The following ETNPPL variants were observed in gnomAD, a reference collection of about 807,000 sequenced individuals.
ETNPPL encodes the protein alanine--glyoxylate aminotransferase 2-like 1.
Under a neutral mutation model 55.5 loss-of-function variants are expected in ETNPPL, and 30 were observed. The observed-to-expected ratio is 0.54, with a 90% confidence interval of 0.40 to 0.73. The LOEUF (loss-of-function observed/expected upper bound fraction) is 0.73. Ranked by LOEUF, ETNPPL falls within the 30% of genes least tolerant of loss-of-function variation. The pLI is 0.00. For missense variants in ETNPPL, 528 were observed against 607.9 expected, an observed-to-expected ratio of 0.87 and a Z score of 1.38; for synonymous variants, 202 against 207.2, an observed-to-expected ratio of 0.98 and a Z score of 0.21.
chr4:108,762,535 T>C (rs1387428680), intron 1 of ETNPPL: 1 of 657,728 alleles, frequency 1.5e-6, no homozygotes, highest in African/African-American at 1.8e-5. Context: ...GAATGGTGTC[T>C]GCTAGGGCTA....
rs149813577 is a variant in ETNPPL, at chr4:108,750,375, C to T, written c.701+561G>A. Among the ~76,000 whole-genome samples, 358 of 151,932 alleles carry T rather than the reference C, an allele frequency of 2.4e-3. 2 individuals are homozygous for T. Among genetic ancestry groups the T allele is most frequent in the African/African-American group, 8.4e-3 (350 of 41,422 alleles). Reference sequence around the variant, plus strand: ...TCTCCCATGCTGGATGCTTCCTGCCCTCAAACATCAGACTCCAGGTTCTTC... The same window carrying T: ...TCTCCCATGCTGGATGCTTCCTGCCTTCAAACATCAGACTCCAGGTTCTTC... On this transcript the variant is annotated intron_variant, in intron 7 of 12. Transcript: ENST00000296486.
rs1256641526 is a variant in ETNPPL, at chr4:108,745,286, A to G, written c.1303+1113T>C. 5.3e-5 allele frequency among the ~76,000 whole-genome samples: 8 copies of G among 152,312 alleles called. 1 individual carries two copies. The South Asian group carries it at 8.3e-4, about 16-fold the overall frequency. On this transcript the variant is annotated intron_variant, in intron 11 of 12. Transcript: ENST00000296486. ...TCAATATTTTAAATATTTTTAAAGAAAAAAGCAAAAGAAAAAAATAAAAAT... is the reference window on the plus strand; with the variant it reads ...TCAATATTTTAAATATTTTTAAAGAGAAAAGCAAAAGAAAAAAATAAAAAT...
At chr4:108,743,664 G>C (rs7664898) in intron 12 of ETNPPL, 125 bp downstream of exon 12, 107,698 of 709,414 alleles carry the variant, frequency 0.15, 13,694 homozygotes, top group East Asian at 0.51. Context: ...AACAATAAGT[G>C]AACCTAATAC....
chr4:108,748,595 T>C lies in ETNPPL; in HGVS notation c.928-436A>G, dbSNP rs1728735046. 2.6e-5 allele frequency among the ~76,000 whole-genome samples: 4 copies of C among 152,316 alleles called. No individual in the cohort carries two copies. The South Asian group carries it at 8.3e-4, about 32-fold the overall frequency. ...TTTAGCTGTAACAAGTCGTATTATA[T>C]ATACTGAACAAACTACAATAATTTT... On this transcript the variant is annotated intron_variant, in intron 8 of 12. Coordinates refer to ENST00000296486, the MANE Select transcript of ETNPPL (RefSeq NM_031279.4).
chr4:108,755,260 G>A (rs1206474964), intron 4 of ETNPPL, among the ~76,000 whole-genome samples: 2 of 152,148 alleles, frequency 1.3e-5, no homozygotes, highest in African/African-American at 4.8e-5. Flanking sequence ...ATATGCAGAA[G>A]AATGAAACTA....
chr4:108,762,458 C>G (rs1729552872), intron 1 of ETNPPL: 9 of 621,236 alleles, frequency 1.4e-5, no homozygotes, highest in Non-Finnish European at 2.7e-5. Context: ...TTCACAGTTT[C>G]CAAAAACTTT....
chr4:108,752,868 G>A, intron 6 of ETNPPL, 27 bp downstream of exon 6: 1 of 1,243,610 alleles, frequency 8.0e-7, no homozygotes, highest in South Asian at 1.3e-5. Flanking sequence ...AAGATGTTGA[G>A]ATGTTTCCAA....
chr4:108,742,749 C>T (rs1728280899), intron 12 of ETNPPL, 137 bp from the exon 13 acceptor site: 3 of 894,094 alleles, frequency 3.4e-6, no homozygotes, highest in Non-Finnish European at 5.2e-6. Context: ...CCTTTCTAAC[C>T]CTCTCCTCAG....
chr4:108,748,669 A>C (rs373430260), intron 8 of ETNPPL, among the ~76,000 whole-genome samples: 2 of 152,204 alleles, frequency 1.3e-5, no homozygotes, highest in East Asian at 3.8e-4. Flanking sequence ...TAATATCCCA[A>C]AGATAAAAAT....
intron 7 of ETNPPL, 114 bp from the exon 8 acceptor site, chr4:108,749,577 A>G (rs1010133686): frequency 4.2e-6 from 3 of 716,134 alleles, no homozygotes; most frequent in Non-Finnish European, 7.0e-6. Flanking sequence ...TGAAGCCTTA[A>G]TTTTTCTTAA....
chr4:108,747,997 G>C lies in ETNPPL; in HGVS notation c.1082+8C>G. On this transcript the variant is annotated splice_region_variant and intron_variant, in intron 9 of 12. Coordinates refer to ENST00000296486, the MANE Select transcript of ETNPPL (RefSeq NM_031279.4). ...AGTAACTACATGACAACTTCATAAT[G>C]AACATACCTAATATCTCCTATCAAA... is the stretch of plus-strand genomic sequence containing the variant. 6.2e-7 allele frequency: 1 copy of C among 1,602,480 alleles called. No individual in the cohort carries two copies. The highest frequency in any genetic ancestry group is 2.2e-5 in the East Asian group (1 of 44,562).
rs1455820358 is a variant in ETNPPL at position 108,755,156 on chromosome 4, A to T, written c.411-446T>A. Among the ~76,000 whole-genome samples, 3 of 152,200 alleles carry T rather than the reference A, an allele frequency of 2.0e-5. No individual in the cohort carries two copies. In the East Asian group the frequency reaches 5.8e-4, roughly 29 times the overall value. On this transcript the variant is annotated intron_variant, in intron 4 of 12. Transcript: ENST00000296486. ...GAATGGGCATCTGTTTCTGTTCGGG[A>T]TGATTTCTAAAGCATGTCCACTTGC...
At chr4:108,758,133 A>G (rs2125681293) in intron 3 of ETNPPL, among the ~76,000 whole-genome samples, 1 of 151,034 alleles carries the variant, frequency 6.6e-6, no homozygotes, top group South Asian at 2.1e-4. Flanking sequence ...CTGGGACTAC[A>G]GGCACACACC....
chr4:108,755,645 T>G (rs905222709), intron 4 of ETNPPL, among the ~76,000 whole-genome samples: 9 of 152,082 alleles, frequency 5.9e-5, no homozygotes, highest in Admixed American at 5.9e-4. Flanking sequence ...GGTGAAAACC[T>G]GTCTCTACTA....
At position 108,742,464 on chromosome 4, in the gene ETNPPL, T is replaced by G; in HGVS notation, c.*20A>C. The G allele has an allele frequency of 1.2e-6, 2 of 1,613,766 alleles. No individual in the cohort carries two copies. Among genetic ancestry groups the G allele is most frequent in the South Asian group, 2.2e-5 (2 of 91,042 alleles). Reference sequence around the variant, plus strand: ...CTCTGTAACTCTGGACATCGCATCTTGCTTTAAAATGCAAATCAGTCATGT... The same window carrying G: ...CTCTGTAACTCTGGACATCGCATCTGGCTTTAAAATGCAAATCAGTCATGT... On this transcript the variant is annotated 3_prime_UTR_variant, in exon 13 of 13. Transcript: ENST00000296486.
At position 108,753,973 on chromosome 4, in the gene ETNPPL, CT is replaced by C. The variant is rs1213568977; in HGVS notation, c.501+646del. Among the ~76,000 whole-genome samples the C allele has an allele frequency of 1.8e-3, 227 of 122,756 alleles. 1 individual carries two copies. Among genetic ancestry groups the C allele is most frequent in the Middle Eastern group, 0.01 (2 of 196 alleles). The allele number at this position is 122,756 out of a possible 152,430, so 80.5% of individuals were successfully genotyped here. ...TACAGAGCAATTTACTTTTTCTTTT[CT>C]TTTTTTTTTTTTTTTTTGAGATGGA... On this transcript the variant is annotated intron_variant, in intron 5 of 12. Coordinates refer to ENST00000296486, the MANE Select transcript of ETNPPL (RefSeq NM_031279.4).
chr4:108,743,892 A>G (rs1452358482), intron 11 of ETNPPL, 36 bp from the exon 12 acceptor site: 1 of 1,432,766 alleles, frequency 7.0e-7, no homozygotes, highest in Non-Finnish European at 9.7e-7. Flanking sequence ...AAGACAAAAT[A>G]ACATAAAAAC....
rs569598216 is a variant in ETNPPL, at chr4:108,748,365, T to C, written c.928-206A>G. Among the ~76,000 whole-genome samples the C allele has an allele frequency of 2.0e-5, 3 of 152,298 alleles. No individual in the cohort carries two copies. In the South Asian group the frequency reaches 6.2e-4, roughly 32 times the overall value. The stretch of plus-strand genomic sequence containing the variant: ...TGAAAATTCATTCTAAATTATATTA[T>C]CCAAGCTGCATAACTGGTATGAAGG... On this transcript the variant is annotated intron_variant, in intron 8 of 12. Coordinates refer to ENST00000296486, the MANE Select transcript of ETNPPL (RefSeq NM_031279.4).
intron 9 of ETNPPL, among the ~76,000 whole-genome samples, chr4:108,747,444 G>GT (rs1475714612): frequency 7.9e-6 from 1 of 126,524 alleles, no homozygotes; most frequent in Admixed American, 7.9e-5. Context: ...ATACCCAAAT[G>GT]TTTTTTTATT....
Sources: gnomAD v4.1 joint callset for allele counts (sites outside exome capture counted in the v4.1 genomes callset) on GRCh38, gnomAD v4.1.1 for gene constraint, MANE v1.5 for transcripts, NCBI Gene and HGNC (gene_info 2026-07-23, HGNC 2026-07-21) for gene names.